URGCP: variants seen among roughly 807,000 people sequenced by gnomAD.
URGCP encodes upregulator of cell proliferation.
In URGCP, 13 loss-of-function variants were observed where a neutral mutation model predicts 24.6. That is an observed-to-expected ratio of 0.53 (90% CI 0.34 to 0.84). The LOEUF is 0.84. URGCP is among the 40% of genes least tolerant of loss of function. The pLI, the probability that URGCP is intolerant of heterozygous loss-of-function variation, is 0.01. For synonymous variants in URGCP, 444 were observed against 487.2 expected (o/e 0.91, Z 1.17); for missense variants, 899 against 1,194.3 (o/e 0.75, Z 3.64).
chr7:43,894,530 T>G (rs1262068688), intron 1 of URGCP, among the ~76,000 whole-genome samples: 7 of 151,924 alleles, frequency 4.6e-5, no homozygotes, highest in Non-Finnish European at 1.0e-4. Flanking sequence ...TTATTATTAT[T>G]TTTTATTTTT....
At chr7:43,893,734 G>A (rs959556012) in intron 1 of URGCP, among the ~76,000 whole-genome samples, 1 of 152,182 alleles carries the variant, frequency 6.6e-6, no homozygotes, top group African/African-American at 2.4e-5. Context: ...AGACGGGTGT[G>A]ATGGCACATG....
intron 1 of URGCP, among the ~76,000 whole-genome samples, chr7:43,891,689 T>G (rs1385313997): frequency 1.3e-5 from 2 of 152,224 alleles, no homozygotes; most frequent in African/African-American, 2.4e-5. Context: ...ACTTGCCCAC[T>G]GCTTTCTTGC....
At chr7:43,911,565 T>C (rs529955043), upstream of URGCP, among the ~76,000 whole-genome samples, 116 of 152,124 alleles carry the variant, frequency 7.6e-4, no homozygotes, top group Non-Finnish European at 1.5e-3. Context: ...GGCGTGGCGG[T>C]GGATGTCTGT....
chr7:43,915,235 A>G (rs1481718506), intron 1 of URGCP, among the ~76,000 whole-genome samples: 1 of 152,218 alleles, frequency 6.6e-6, no homozygotes, highest in East Asian at 1.9e-4. Context: ...TAGTGGAGCT[A>G]AGGAGCAAAA....
chr7:43,905,641 T>C (rs2132713828), intron 1 of URGCP: 1 of 152,230 alleles, frequency 6.6e-6, no homozygotes, highest in African/African-American at 2.4e-5. Flanking sequence ...CTTTGGGAAC[T>C]GTTCTGAATG....
chr7:43,906,639 G>T (rs1447370279), upstream of URGCP: 2 of 1,163,294 alleles, frequency 1.7e-6, no homozygotes, highest in Non-Finnish European at 2.1e-6. Context: ...GCTCGGCGCC[G>T]GGGAGGGGCC....
At chr7:43,899,058 C>T (rs2095884645) in intron 1 of URGCP, among the ~76,000 whole-genome samples, 1 of 149,676 alleles carries the variant, frequency 6.7e-6, no homozygotes, top group Non-Finnish European at 1.5e-5. Flanking sequence ...CGCTTGATCC[C>T]GGGAGGCGGA....
chr7:43,904,889 A>G (rs888679202), intron 1 of URGCP, among the ~76,000 whole-genome samples: 8 of 152,196 alleles, frequency 5.3e-5, no homozygotes, highest in Admixed American at 6.5e-5. Context: ...TAACACAATG[A>G]TAAGTATTTG....
chr7:43,885,693 A>G (rs2095861125), intron 3 of URGCP, among the ~76,000 whole-genome samples: 2 of 152,158 alleles, frequency 1.3e-5, no homozygotes, highest in South Asian at 2.1e-4. Context: ...TAAGCATCCA[A>G]TAAGGCCATT....
At chr7:43,884,474 T>C (rs2095859177) in intron 3 of URGCP, among the ~76,000 whole-genome samples, 1 of 152,134 alleles carries the variant, frequency 6.6e-6, no homozygotes, top group African/African-American at 2.4e-5. Flanking sequence ...CCTACCACCA[T>C]GGTGAGCCCA....
At chr7:43,926,593 C>A, upstream of URGCP, 1 of 1,547,958 alleles carries the variant, frequency 6.5e-7, no homozygotes, top group Non-Finnish European at 8.7e-7. Flanking sequence ...TTTGGGTGTC[C>A]GAAGCGTCGA....
At chr7:43,889,641 T>C (rs1352170076) in intron 1 of URGCP, 2 of 152,240 alleles carry the variant, frequency 1.3e-5, no homozygotes, top group Admixed American at 6.5e-5. Flanking sequence ...TTATACCCTA[T>C]GTTAATCTGT....
chr7:43,908,079 G>T (rs933852701), upstream of URGCP, among the ~76,000 whole-genome samples: 2 of 152,098 alleles, frequency 1.3e-5, no homozygotes, highest in Non-Finnish European at 2.9e-5. Flanking sequence ...CAAACTAAAA[G>T]AATTTTTTCT....
At chr7:43,882,392 G>A (rs1158176140) in intron 3 of URGCP, among the ~76,000 whole-genome samples, 2 of 152,220 alleles carry the variant, frequency 1.3e-5, no homozygotes, top group African/African-American at 4.8e-5. Flanking sequence ...GGGGGTTGCA[G>A]TGAGCTGAGA....
chr7:43,894,101 G>A (rs948369982), intron 1 of URGCP, among the ~76,000 whole-genome samples: 1 of 152,094 alleles, frequency 6.6e-6, no homozygotes, highest in Non-Finnish European at 1.5e-5. Flanking sequence ...AAATATTAGA[G>A]CTAAAGAGAT....
intron 3 of URGCP, among the ~76,000 whole-genome samples, chr7:43,884,224 G>C (rs1286488853): frequency 6.6e-6 from 1 of 152,196 alleles, no homozygotes; most frequent in East Asian, 1.9e-4. Context: ...ACTAGGGTTC[G>C]GAGAGAGCCT....
upstream of URGCP, chr7:43,926,690 A>T: frequency 2.2e-6 from 2 of 921,634 alleles, no homozygotes; most frequent in Non-Finnish European, 3.0e-6. Context: ...AGGAGGCAGA[A>T]CAGCCTCCCG....
intron 1 of URGCP, chr7:43,919,546 C>A: frequency 7.2e-7 from 1 of 1,392,646 alleles, no homozygotes; most frequent in Non-Finnish European, 1.0e-6. Context: ...CAATCAGTGG[C>A]CAGCGTGAGG....
chr7:43,899,255 G>A (rs1162201363), intron 1 of URGCP, among the ~76,000 whole-genome samples: 1 of 146,056 alleles, frequency 6.8e-6, no homozygotes, highest in Non-Finnish European at 1.5e-5. Flanking sequence ...ATGTTTAAAG[G>A]AGTATTCTAT....
Sources: allele counts gnomAD v4.1 joint callset (sites outside exome capture counted in the v4.1 genomes callset), GRCh38; gene constraint gnomAD v4.1.1; transcripts MANE v1.5; gene names NCBI Gene and HGNC (gene_info 2026-07-23, HGNC 2026-07-21).